LMF1: variants seen among roughly 807,000 people sequenced by gnomAD.
LMF1 encodes the protein lipase maturation factor 1, also known as transmembrane protein 112.
In LMF1, 68 loss-of-function variants were observed where a neutral mutation model predicts 60.6. The ratio of observed to expected loss-of-function variants is 1.12; its 90% CI spans 0.92 to 1.37. The LOEUF (loss-of-function observed/expected upper bound fraction) is 1.37, where lower values mean the gene tolerates loss of function less well. Among genes scored for constraint, LMF1 ranks in the 40% most tolerant of loss-of-function variants. The pLI is 0.00. For synonymous variants in LMF1, 418 were observed against 324.7 expected (o/e 1.29, Z -3.09); for missense variants, 948 against 767.2 (o/e 1.24, Z -2.78).
intron 2 of LMF1, among the ~76,000 whole-genome samples, chr16:952,201 G>A (rs1442556165): frequency 6.6e-6 from 1 of 152,144 alleles, no homozygotes; most frequent in Non-Finnish European, 1.5e-5. Context: ...GCTGAGACCT[G>A]AGGAAACACC....
intron 3 of LMF1, among the ~76,000 whole-genome samples, chr16:924,346 C>A (rs757568712): frequency 6.6e-6 from 1 of 152,242 alleles, no homozygotes; most frequent in Admixed American, 6.5e-5. Flanking sequence ...AGAAGTGGTA[C>A]GGCAAGGGCT....
At chr16:938,646 G>A (rs2072009679) in intron 2 of LMF1, among the ~76,000 whole-genome samples, 1 of 152,192 alleles carries the variant, frequency 6.6e-6, no homozygotes, top group Non-Finnish European at 1.5e-5. Flanking sequence ...CAGGTCCCAG[G>A]GCTGTTGGGA....
At chr16:910,044 G>A (rs1363851232) in intron 4 of LMF1, among the ~76,000 whole-genome samples, 1 of 152,206 alleles carries the variant, frequency 6.6e-6, no homozygotes, top group Non-Finnish European at 1.5e-5. Flanking sequence ...ACAAAAACAT[G>A]AAGATTTTAT....
Position 870,711 on chromosome 16 carries a change from G to C in LMF1, c.1232+18C>G, listed in dbSNP as rs939713700. 2 of 1,612,072 alleles carry C rather than the reference G, an allele frequency of 1.2e-6. No homozygotes were observed. Among genetic ancestry groups the C allele is most frequent in the South Asian group, 2.2e-5 (2 of 91,076 alleles). The stretch of plus-strand genomic sequence containing the variant: ...CCCATATACCCAGCTCCGGGGGACG[G>C]GGACCCCAGGCTCATACCTTCCGAA... On this transcript the variant is annotated intron_variant, in intron 8 of 10. Coordinates refer to ENST00000262301, the MANE Select transcript of LMF1 (RefSeq NM_022773.4).
intron 1 of LMF1, among the ~76,000 whole-genome samples, chr16:969,570 T>C (rs2072997198): frequency 6.6e-6 from 1 of 152,240 alleles, no homozygotes; most frequent in South Asian, 2.1e-4. Flanking sequence ...GAAGAACTTC[T>C]GCAACCTGAC....
chr16:877,276 A>AGAT (rs1327886273), intron 6 of LMF1, among the ~76,000 whole-genome samples: 1 of 152,214 alleles, frequency 6.6e-6, no homozygotes, highest in Non-Finnish European at 1.5e-5. Flanking sequence ...ATTTGAAAAC[A>AGAT]GATGAACAAA....
At chr16:928,857 A>G (rs2071688345) in intron 3 of LMF1, among the ~76,000 whole-genome samples, 1 of 152,220 alleles carries the variant, frequency 6.6e-6, no homozygotes, top group African/African-American at 2.4e-5. Flanking sequence ...CATCAGGCTA[A>G]AATCACAAAG....
chr16:975,628 CTGT>C, upstream of LMF1: 2 of 369,298 alleles, frequency 5.4e-6, no homozygotes, highest in Admixed American at 3.5e-5. Context: ...TTGCTGAAGG[CTGT>C]TGTCTGAACC....
At chr16:947,836 AGTCAGC>A in intron 2 of LMF1, among the ~76,000 whole-genome samples, 1 of 150,932 alleles carries the variant, frequency 6.6e-6, no homozygotes, top group Non-Finnish European at 1.5e-5. Context: ...CCAATGACAG[AGTCAGC>A]CAACGACAGA....
exon 1 of LMF1, chr16:981,194 C>T (rs1257779184): frequency 2.2e-6 from 1 of 455,090 alleles, no homozygotes; most frequent in South Asian, 1.6e-5. Flanking sequence ...CTGGGCGCTG[C>T]GCGGCGGAAC....
rs1440216951 is a variant in LMF1 at position 854,198 on chromosome 16, G to A, written c.*334C>T. ...GTCTATGGTCAGGGCTGTAGTGGAG[G>A]AAGGTGTCAGGATGGCCATTGTCTC... On this transcript the variant is annotated 3_prime_UTR_variant, in exon 11 of 11. Transcript: ENST00000262301. 5 of 540,110 alleles carry A rather than the reference G, an allele frequency of 9.3e-6. No individual in the cohort carries two copies. Among genetic ancestry groups the A allele is most frequent in the African/African-American group, 1.9e-5 (1 of 53,312 alleles). 33.5% of individuals were successfully genotyped at this position (540,110 alleles called of 1,614,324 possible). A position where few individuals can be genotyped will look rare whatever the true frequency, so the allele number is the denominator to read the frequency against.
At chr16:976,459 G>A (rs1567348605) in intron 1 of LMF1, 1 of 454,094 alleles carries the variant, frequency 2.2e-6, no homozygotes. Context: ...CCAAGTCTCA[G>A]ACACCGCCCC....
rs963288415 is a variant in LMF1, at chr16:897,842, G to A, written c.664-4770C>T. Among the ~76,000 whole-genome samples the A allele has an allele frequency of 3.3e-5, 5 of 152,218 alleles. No homozygotes were observed. The highest frequency in any genetic ancestry group is 7.3e-5 in the Non-Finnish European group (5 of 68,030). ...CGTGGCTTTCCTGTCTTCCTGGGAT[G>A]GTTTCCGCACTTTCTTGCCCTCATG... On this transcript the variant is annotated intron_variant, in intron 4 of 10. Transcript: ENST00000262301. The surrounding 1 kb of genome is among the most constrained non-coding windows in gnomAD (Gnocchi z 4.3).
intron 9 of LMF1, chr16:869,267 G>T: frequency 1.5e-6 from 1 of 670,918 alleles, no homozygotes. Flanking sequence ...TCGGCCGCTG[G>T]CTTCGCTCCC....
At chr16:948,131 C>A (rs1328802634) in intron 2 of LMF1, among the ~76,000 whole-genome samples, 1 of 150,252 alleles carries the variant, frequency 6.7e-6, no homozygotes, top group Non-Finnish European at 1.5e-5. Context: ...CAGCCAACGA[C>A]AAAGTCAGCC....
At chr16:860,344 G>T (rs1567138532) in intron 10 of LMF1, among the ~76,000 whole-genome samples, 3 of 145,028 alleles carry the variant, frequency 2.1e-5, no homozygotes, top group East Asian at 2.0e-4. Flanking sequence ...TTTCCTGAAA[G>T]TTTTTTTTTT....
At chr16:854,845 G>A (rs1401728023) in intron 10 of LMF1, 139 bp from the exon 11 acceptor site, 2 of 788,578 alleles carry the variant, frequency 2.5e-6, no homozygotes, top group East Asian at 5.4e-5. Context: ...CCCACCCTGA[G>A]CACAGGTAGA....
chr16:976,280 G>A (rs996769781), intron 1 of LMF1: 1 of 449,792 alleles, frequency 2.2e-6, no homozygotes, highest in Non-Finnish European at 4.5e-6. Flanking sequence ...TCTAGGGGAT[G>A]AGGGCCCAGA....
intron 1 of LMF1, among the ~76,000 whole-genome samples, chr16:960,013 G>A (rs2072790904): frequency 6.6e-6 from 1 of 152,186 alleles, no homozygotes; most frequent in African/African-American, 2.4e-5. Flanking sequence ...TGTGAAATGA[G>A]ATAGTGACAC....
Sources: allele counts gnomAD v4.1 joint callset (sites outside exome capture counted in the v4.1 genomes callset), GRCh38; gene constraint gnomAD v4.1.1; non-coding constraint Gnocchi (gnomAD v3.1); transcripts MANE v1.5; gene names NCBI Gene and HGNC (gene_info 2026-07-23, HGNC 2026-07-21).